Variants in KCNMA1 observed in about 807,000 individuals in gnomAD.
The protein encoded by KCNMA1 is Calcium-activated potassium channel subunit alpha-1.
Under a neutral mutation model 140.0 loss-of-function variants are expected in KCNMA1, and 29 were observed. That is an observed-to-expected ratio of 0.21 (90% CI 0.15 to 0.28). The LOEUF (loss-of-function observed/expected upper bound fraction) is 0.28, where lower values mean the gene tolerates loss of function less well. Among genes scored for constraint, KCNMA1 ranks in the 10% least tolerant of loss-of-function variants. KCNMA1 has a pLI of 1.00. For synonymous variants in KCNMA1, 612 were observed against 611.9 expected (o/e 1.00, Z 0.00); for missense variants, 880 against 1,602.2 (o/e 0.55, Z 7.70).
Position 76,951,923 on chromosome 10 carries a change from C to T in KCNMA1, c.2484+1878G>A, listed in dbSNP as rs1239983050. On this transcript the variant is annotated intron_variant, in intron 21 of 27. Transcript: ENST00000286628. ...AGAACACAAGCTCTGTGAGAGCAGT[C>T]GTTGTCAGGGATTGCATCTCCAGTA... 1.1e-5 allele frequency: 11 copies of T among 1,015,290 alleles called. No individual in the cohort carries two copies. In the South Asian group the frequency reaches 1.2e-4, roughly 11 times the overall value. 62.9% of individuals were successfully genotyped at this position (1,015,290 alleles called of 1,614,324 possible).
At chr10:76,908,677 A>G (rs538535874) in intron 25 of KCNMA1, among the ~76,000 whole-genome samples, 3 of 152,358 alleles carry the variant, frequency 2.0e-5, no homozygotes, top group East Asian at 3.9e-4. Context: ...TTTAAGAAAT[A>G]TACGTGTGTA....
intron 1 of KCNMA1, among the ~76,000 whole-genome samples, chr10:77,597,122 G>C (rs528590777): frequency 6.6e-6 from 1 of 152,222 alleles, no homozygotes; most frequent in Non-Finnish European, 1.5e-5. Context: ...AGATGTAGTG[G>C]AGAAAGAAAC....
At chr10:77,477,009 A>T (rs2098294373) in intron 1 of KCNMA1, among the ~76,000 whole-genome samples, 2 of 152,192 alleles carry the variant, frequency 1.3e-5, no homozygotes, top group African/African-American at 4.8e-5. Flanking sequence ...TAGAAAAACA[A>T]AAACGAAAAC....
At chr10:77,081,794 C>T (rs1046993526) in intron 12 of KCNMA1, among the ~76,000 whole-genome samples, 2 of 152,026 alleles carry the variant, frequency 1.3e-5, no homozygotes, top group Admixed American at 1.3e-4. Flanking sequence ...TGCATTAGCT[C>T]ATTTCAAATG....
chr10:77,510,847 C>G (rs1049293326), intron 1 of KCNMA1, among the ~76,000 whole-genome samples: 1 of 152,200 alleles, frequency 6.6e-6, no homozygotes, highest in Non-Finnish European at 1.5e-5. Context: ...ATATTGACCA[C>G]TGAACACCTT....
intron 2 of KCNMA1, among the ~76,000 whole-genome samples, chr10:77,252,790 AAT>A (rs1404358825): frequency 6.6e-6 from 1 of 152,152 alleles, no homozygotes; most frequent in East Asian, 1.9e-4. Flanking sequence ...CTGTAAAAGG[AAT>A]ATGCAGTTTC....
At chr10:77,027,392 TA>T (rs1317874766) in intron 16 of KCNMA1, among the ~76,000 whole-genome samples, 3 of 152,210 alleles carry the variant, frequency 2.0e-5, no homozygotes, top group Non-Finnish European at 4.4e-5. Flanking sequence ...AGGCTGCTTG[TA>T]ATTTGGCTAT....
rs575172392 is a variant in KCNMA1, at chr10:77,610,170, C to T, written c.378+27095G>A. On this transcript the variant is annotated intron_variant, in intron 1 of 27. Transcript: ENST00000286628. ...TCCTCCTCAAAAGAGGCTTCTCTGG[C>T]TACCCACCAAAGCAGCCCCTCTAAC... 2.6e-5 allele frequency among the ~76,000 whole-genome samples: 4 copies of T among 152,334 alleles called. No homozygotes were observed. The East Asian group carries it at 5.8e-4, about 22-fold the overall frequency.
chr10:77,440,881 C>A (rs1417746718), intron 1 of KCNMA1, among the ~76,000 whole-genome samples: 1 of 152,130 alleles, frequency 6.6e-6, no homozygotes, highest in Non-Finnish European at 1.5e-5. Context: ...TGCAGTGGCA[C>A]GATCTTGGCT....
intron 23 of KCNMA1, among the ~76,000 whole-genome samples, chr10:76,933,531 G>A (rs2059785875): frequency 6.6e-6 from 1 of 152,112 alleles, no homozygotes. Flanking sequence ...AAAACACTCG[G>A]CCTTTCCTGT....
intron 1 of KCNMA1, among the ~76,000 whole-genome samples, chr10:77,495,528 G>A (rs1041962011): frequency 6.6e-6 from 1 of 152,138 alleles, no homozygotes; most frequent in Non-Finnish European, 1.5e-5. Context: ...CAGAAACATC[G>A]GCCAATGAGT....
At chr10:77,047,264 G>A (rs1022312527) in intron 14 of KCNMA1, among the ~76,000 whole-genome samples, 16 of 152,308 alleles carry the variant, frequency 1.1e-4, no homozygotes, top group African/African-American at 3.8e-4. Flanking sequence ...ATTTCGGAAT[G>A]GACTTGAGCC....
At chr10:76,956,227 A>T (rs572175565) in intron 20 of KCNMA1, among the ~76,000 whole-genome samples, 27 of 152,266 alleles carry the variant, frequency 1.8e-4, no homozygotes, top group African/African-American at 6.5e-4. Context: ...CTGATGATCG[A>T]TCGCCCTTCA....
At chr10:77,500,110 T>C (rs1301925660) in intron 1 of KCNMA1, among the ~76,000 whole-genome samples, 6 of 151,284 alleles carry the variant, frequency 4.0e-5, no homozygotes, top group East Asian at 3.9e-4. Flanking sequence ...AAGAAAAGTA[T>C]AAAATAAAAA....
intron 5 of KCNMA1, 151 bp downstream of exon 5, chr10:77,183,270 A>T (rs2098817209): frequency 2.9e-6 from 2 of 693,092 alleles, no homozygotes; most frequent in South Asian, 3.1e-5. Flanking sequence ...GAGAGCTGCC[A>T]CCATCAACTT....
chr10:77,233,564 C>T (rs1256353259), intron 3 of KCNMA1, among the ~76,000 whole-genome samples: 4 of 152,196 alleles, frequency 2.6e-5, no homozygotes, highest in African/African-American at 9.7e-5. Context: ...ATCGTGAATG[C>T]AGAATGTGAG....
At chr10:77,259,433 T>G (rs1017131122) in intron 2 of KCNMA1, among the ~76,000 whole-genome samples, 1 of 152,070 alleles carries the variant, frequency 6.6e-6, no homozygotes, top group African/African-American at 2.4e-5. Context: ...AGGACACACA[T>G]GTAAATCGGA....
At chr10:77,303,135 C>T (rs1051299664) in intron 2 of KCNMA1, among the ~76,000 whole-genome samples, 2 of 152,142 alleles carry the variant, frequency 1.3e-5, no homozygotes, top group African/African-American at 4.8e-5. Flanking sequence ...ACTAAATGAG[C>T]TCATTTACGA....
intron 1 of KCNMA1, among the ~76,000 whole-genome samples, chr10:77,454,275 C>G (rs1238370877): frequency 6.6e-6 from 1 of 152,162 alleles, no homozygotes; most frequent in East Asian, 1.9e-4. Flanking sequence ...AGCCATAGAG[C>G]CCCTCTGGTC....
Sources: gnomAD v4.1 joint callset for allele counts (sites outside exome capture counted in the v4.1 genomes callset) on GRCh38, gnomAD v4.1.1 for gene constraint, MANE v1.5 for transcripts, NCBI Gene and HGNC (gene_info 2026-07-23, HGNC 2026-07-21) for gene names.